The following LMOD1 variants were observed in gnomAD, a reference collection of about 807,000 sequenced individuals.
The protein encoded by LMOD1 is leiomodin 1, also known as leiomodin-1.
LMOD1 carries 8 observed loss-of-function variants against 36.5 expected under a neutral mutation model. The ratio of observed to expected loss-of-function variants is 0.22; its 90% confidence interval spans 0.13 to 0.40. LMOD1 has a LOEUF of 0.40. LMOD1 is among the 10% of genes least tolerant of loss of function. The pLI is 1.00. For synonymous variants in LMOD1, 284 were observed against 288.7 expected (o/e 0.98, Z 0.17); for missense variants, 630 against 751.1 (o/e 0.84, Z 1.88).
At chr1:201,898,470 C>T (rs1681231592) in intron 2 of LMOD1, 72 bp from the exon 3 acceptor site, 6 of 1,300,518 alleles carry the variant, frequency 4.6e-6, no homozygotes, top group African/African-American at 1.5e-5. Flanking sequence ...ACTGGAAGGA[C>T]ACACAAGACA....
At chr1:201,940,587 CTTT>C (rs1256274142) in intron 1 of LMOD1, among the ~76,000 whole-genome samples, 9 of 122,006 alleles carry the variant, frequency 7.4e-5, no homozygotes, top group Non-Finnish European at 5.3e-5. Flanking sequence ...TGCTCAAAGT[CTTT>C]TTTTTTTTTT....
chr1:201,940,994 G>A (rs1023448919), intron 1 of LMOD1, among the ~76,000 whole-genome samples: 4 of 151,832 alleles, frequency 2.6e-5, no homozygotes, highest in Admixed American at 2.0e-4. Flanking sequence ...TGATCCACCC[G>A]CCTTGGCCTC....
chr1:201,898,451 T>C (rs771474344), intron 2 of LMOD1, 53 bp from the exon 3 acceptor site: 2 of 1,537,376 alleles, frequency 1.3e-6, no homozygotes, highest in Non-Finnish European at 8.9e-7. Flanking sequence ...CCACCTCACC[T>C]CCCTCCCTAC....
At chr1:201,929,522 A>C (rs1002159346) in intron 1 of LMOD1, among the ~76,000 whole-genome samples, 1 of 152,260 alleles carries the variant, frequency 6.6e-6, no homozygotes, top group African/African-American at 2.4e-5. Flanking sequence ...TTCAGACCTC[A>C]GAGTGTAAAT....
intron 1 of LMOD1, among the ~76,000 whole-genome samples, chr1:201,924,677 GAAA>G (rs1242799180): frequency 4.9e-5 from 1 of 20,496 alleles, no homozygotes; most frequent in African/African-American, 9.2e-5. Context: ...AAGAAAGAAA[GAAA>G]GAAAGAAAGA....
At chr1:201,916,157 A>G (rs80028083) in intron 1 of LMOD1, among the ~76,000 whole-genome samples, 5,330 of 151,656 alleles carry the variant, frequency 0.035, 275 homozygotes, top group East Asian at 0.26. Context: ...GGCTCAAGCG[A>G]TCCACACACC....
At chr1:201,907,798 C>T (rs1558236120) in intron 1 of LMOD1, among the ~76,000 whole-genome samples, 1 of 152,166 alleles carries the variant, frequency 6.6e-6, no homozygotes, top group Non-Finnish European at 1.5e-5. Context: ...ACCAAGAATC[C>T]TGCTGCGGGC....
chr1:201,912,401 C>A lies in LMOD1; in HGVS notation c.262-11650G>T, dbSNP rs538952255. Among the ~76,000 whole-genome samples, 10 of 152,212 alleles carry A rather than the reference C, an allele frequency of 6.6e-5. No individual in the cohort carries two copies. In the South Asian group the frequency reaches 2.1e-3, roughly 32 times the overall value. ...TCTCCTCCCCCTCCCCCACAGCTCC[C>A]TTCACTCCCTCCCTTATCTTGGCCC... On this transcript the variant is annotated intron_variant, in intron 1 of 2. Coordinates refer to ENST00000367288, the MANE Select transcript of LMOD1 (RefSeq NM_012134.3).
At chr1:201,943,851 T>G (rs904018460) in intron 1 of LMOD1, among the ~76,000 whole-genome samples, 4 of 152,284 alleles carry the variant, frequency 2.6e-5, no homozygotes, top group East Asian at 1.9e-4. Flanking sequence ...GAGGCTTAGA[T>G]TAGGTAACTT....
At chr1:201,936,896 C>A (rs975729568) in intron 1 of LMOD1, among the ~76,000 whole-genome samples, 1 of 151,834 alleles carries the variant, frequency 6.6e-6, no homozygotes, top group Non-Finnish European at 1.5e-5. Flanking sequence ...GCCAAGATTG[C>A]GCCACTGCAT....
At chr1:201,937,555 G>C (rs188713450) in intron 1 of LMOD1, among the ~76,000 whole-genome samples, 4 of 152,210 alleles carry the variant, frequency 2.6e-5, no homozygotes, top group South Asian at 4.2e-4. Context: ...TTTGAGCCCA[G>C]GAGTTCGACA....
chr1:201,900,067 T>G lies in LMOD1; in HGVS notation c.946A>C (p.Ser316Arg), dbSNP rs1230892385. The stretch of plus-strand genomic sequence containing the variant: ...CTCTCCAGAGGCTCATCAAATATGC[T>G]GGGAGCTGCCTCCTCCTCCACCTTG... Reference protein sequence around the residue: ...PAKVEEEAAPSIFDEPLERVK... With the variant: ...PAKVEEEAAPRIFDEPLERVK... Residue 316 changes from serine (S) to arginine (R), a missense_variant, in exon 2 of 3, where the codon AGC (serine) becomes CGC (arginine). This residue lies in a region of LMOD1 where 405 missense variants were observed against 400.6 expected (regional missense o/e 1.01). Transcript: ENST00000367288. The G allele has an allele frequency of 6.2e-7, 1 of 1,613,918 alleles. No homozygotes were observed. Among genetic ancestry groups the G allele is most frequent in the Non-Finnish European group, 8.5e-7 (1 of 1,179,890 alleles).
intron 1 of LMOD1, among the ~76,000 whole-genome samples, chr1:201,922,832 A>AT (rs960640210): frequency 9.4e-5 from 14 of 149,038 alleles, no homozygotes; most frequent in East Asian, 3.9e-4. Context: ...AAAGGAGTGA[A>AT]TTTTTTTTTT....
Position 201,899,093 on chromosome 1 carries a change from C to T in LMOD1, c.1776+144G>A. The T allele has an allele frequency of 1.4e-6, 1 of 694,400 alleles. No individual in the cohort carries two copies. The highest frequency in any genetic ancestry group is 2.3e-6 in the Non-Finnish European group (1 of 430,162). 43.0% of individuals were successfully genotyped at this position (694,400 alleles called of 1,614,324 possible). A position where few individuals can be genotyped will look rare whatever the true frequency, so the allele number is the denominator to read the frequency against. On this transcript the variant is annotated intron_variant, in intron 2 of 2. Coordinates refer to ENST00000367288, the MANE Select transcript of LMOD1 (RefSeq NM_012134.3). The surrounding 1 kb of genome is among the most constrained non-coding windows in gnomAD (Gnocchi z 6.3). ...GCAGGCAGGAGGATGCATGAGATGA[C>T]CTGAAGTCCCCTATGGGCCCTGGGA...
At chr1:201,930,706 G>T (rs1000891595) in intron 1 of LMOD1, among the ~76,000 whole-genome samples, 1 of 152,112 alleles carries the variant, frequency 6.6e-6, no homozygotes, top group Admixed American at 6.5e-5. Context: ...GAATCCATGG[G>T]GTTGGATGAA....
chr1:201,942,686 T>A (rs546571454), intron 1 of LMOD1, among the ~76,000 whole-genome samples: 41 of 151,322 alleles, frequency 2.7e-4, no homozygotes, highest in East Asian at 9.7e-4. Context: ...TTTTTTTTTT[T>A]AAATTTTATT....
At chr1:201,904,342 CTGGG>C (rs1240183543) in intron 1 of LMOD1, among the ~76,000 whole-genome samples, 34 of 152,338 alleles carry the variant, frequency 2.2e-4, no homozygotes, top group Non-Finnish European at 5.9e-5. Context: ...TCCCAAGTAG[CTGGG>C]ATTACAGGCA....
chr1:201,899,690 C>T lies in LMOD1; in HGVS notation c.1323G>A (p.Leu441=), dbSNP rs1681260472. Residue 441 remains leucine, a synonymous_variant, in exon 2 of 3, where the codon CTG becomes CTA. Transcript: ENST00000367288. This position sits in a 1 kb window ranked among gnomAD's most constrained non-coding sequence, Gnocchi z 6.3. Reference sequence around the variant, plus strand: ...GCTTGAGCAGGGTAGTATTCTCCTTCAGCAGCTTGGCGATCTCCATCTCCG... The same window carrying T: ...GCTTGAGCAGGGTAGTATTCTCCTTTAGCAGCTTGGCGATCTCCATCTCCG... ...GKTEMEIAKL[L]KENTTLLKLG... is the part of the protein sequence containing the mutation. 2 of 1,613,912 alleles carry T rather than the reference C, an allele frequency of 1.2e-6. No individual in the cohort carries two copies. Among genetic ancestry groups the T allele is most frequent in the Non-Finnish European group, 1.7e-6 (2 of 1,179,908 alleles).
intron 1 of LMOD1, among the ~76,000 whole-genome samples, chr1:201,924,151 A>C (rs1179872522): frequency 8.7e-5 from 13 of 149,514 alleles, no homozygotes; most frequent in Non-Finnish European, 1.9e-4. Context: ...CCCATCTCTA[A>C]TAAAATACCA....
Sources: gnomAD v4.1 joint callset for allele counts (sites outside exome capture counted in the v4.1 genomes callset) on GRCh38, gnomAD v4.1.1 for gene constraint, gnomAD v4.1.1 regional missense constraint, Gnocchi (gnomAD v3.1) non-coding constraint, MANE v1.5 for transcripts, NCBI Gene and HGNC (gene_info 2026-07-23, HGNC 2026-07-21) for gene names.